GLYATL1: variants seen among roughly 807,000 people sequenced by gnomAD.
The protein encoded by GLYATL1 is glycine-N-acyltransferase like 1.
GLYATL1 carries 15 observed loss-of-function variants against 20.0 expected under a neutral mutation model. That is an observed-to-expected ratio of 0.75 (90% CI 0.50 to 1.15). The LOEUF (loss-of-function observed/expected upper bound fraction) is 1.15. Ranked by LOEUF, GLYATL1 falls within the 50% of genes most tolerant of loss-of-function variation. GLYATL1 has a pLI of 0.00. For missense variants in GLYATL1, 380 were observed against 368.5 expected, an observed-to-expected ratio of 1.03 and a Z score of -0.26; for synonymous variants, 151 against 131.5, an observed-to-expected ratio of 1.15 and a Z score of -1.01.
At chr11:58,911,358 C>T (rs2134648770), downstream of GLYATL1, among the ~76,000 whole-genome samples, 1 of 152,274 alleles carries the variant, frequency 6.6e-6, no homozygotes, top group East Asian at 1.9e-4. Context: ...GAATTGCTTT[C>T]ATGGAAAGTG....
chr11:58,919,301 C>T (rs1198458905), intron 1 of GLYATL1, among the ~76,000 whole-genome samples: 1 of 152,170 alleles, frequency 6.6e-6, no homozygotes, highest in Non-Finnish European at 1.5e-5. Flanking sequence ...GTTTGTTTGG[C>T]GTGGGCACAC....
intron 1 of GLYATL1, chr11:58,905,773 G>C: frequency 2.6e-6 from 1 of 385,234 alleles, no homozygotes; most frequent in Non-Finnish European, 5.3e-6. Flanking sequence ...CAGTCCCCTC[G>C]GCCTGGCCGT....
intron 1 of GLYATL1, among the ~76,000 whole-genome samples, chr11:58,933,170 G>A (rs75220513): frequency 0.011 from 1,645 of 152,256 alleles, 33 homozygotes; most frequent in African/African-American, 0.038. Flanking sequence ...GGGGTTAAGA[G>A]TGAAATGCCT....
At chr11:58,915,433 T>A (rs1855148670) in intron 1 of GLYATL1, among the ~76,000 whole-genome samples, 1 of 152,136 alleles carries the variant, frequency 6.6e-6, no homozygotes, top group African/African-American at 2.4e-5. Context: ...GAGTGGATTC[T>A]AGAATGACTG....
rs1857192063 is a variant in GLYATL1, at chr11:58,953,914, A to G, written c.187-856A>G. Among the ~76,000 whole-genome samples, 3 of 152,216 alleles carry G rather than the reference A, an allele frequency of 2.0e-5. No homozygotes were observed. The South Asian group carries it at 6.2e-4, about 32-fold the overall frequency. On this transcript the variant is annotated intron_variant, in intron 4 of 6. Transcript: ENST00000532726. Reference sequence around the variant, plus strand: ...GAGAAACATCCTCATCTTCCAATGAAGTTTCTGTCATGCCAGAATGGGATC... The same window carrying G: ...GAGAAACATCCTCATCTTCCAATGAGGTTTCTGTCATGCCAGAATGGGATC...
intron 2 of GLYATL1, among the ~76,000 whole-genome samples, chr11:58,944,839 T>C (rs1856450749): frequency 6.6e-6 from 1 of 151,956 alleles, no homozygotes; most frequent in Non-Finnish European, 1.5e-5. Flanking sequence ...TATGAAAAAT[T>C]ATTTTAGTTA....
chr11:58,937,630 C>T (rs1855895019), upstream of GLYATL1, among the ~76,000 whole-genome samples: 1 of 152,194 alleles, frequency 6.6e-6, no homozygotes, highest in Admixed American at 6.5e-5. Flanking sequence ...CTGAAACAAA[C>T]ATGATTAATA....
intron 1 of GLYATL1, among the ~76,000 whole-genome samples, chr11:58,942,290 G>A (rs905410856): frequency 1.3e-5 from 2 of 152,162 alleles, no homozygotes; most frequent in East Asian, 3.9e-4. Context: ...TGATCAGTAA[G>A]CAGACCTACC....
At chr11:58,926,026 G>A (rs1460526701), upstream of GLYATL1, among the ~76,000 whole-genome samples, 1 of 152,286 alleles carries the variant, frequency 6.6e-6, no homozygotes, top group East Asian at 1.9e-4. Flanking sequence ...TACAGGCAGA[G>A]CATGTGCATT....
upstream of GLYATL1, among the ~76,000 whole-genome samples, chr11:58,924,551 A>G (rs1000375010): frequency 1.3e-5 from 2 of 152,182 alleles, no homozygotes; most frequent in Non-Finnish European, 2.9e-5. Context: ...CACCATTCTG[A>G]GTGAATCCCA....
chr11:58,946,979 A>G, intron 2 of GLYATL1, 67 bp from the exon 3 acceptor site: 1 of 1,082,166 alleles, frequency 9.2e-7, no homozygotes, highest in Admixed American at 1.7e-5. Flanking sequence ...TTGAATGGAG[A>G]TGTATAAAGT....
At chr11:58,923,541 A>G (rs1855357319), upstream of GLYATL1, among the ~76,000 whole-genome samples, 1 of 151,956 alleles carries the variant, frequency 6.6e-6, no homozygotes, top group Admixed American at 6.6e-5. Flanking sequence ...ATGATTTGCA[A>G]AGGGAGTAAC....
chr11:58,940,088 C>T (rs1014319874), intron 1 of GLYATL1, among the ~76,000 whole-genome samples: 2 of 152,158 alleles, frequency 1.3e-5, no homozygotes, highest in Non-Finnish European at 2.9e-5. Flanking sequence ...CACTGTTTGA[C>T]CCCAGTATAG....
intron 4 of GLYATL1, among the ~76,000 whole-genome samples, chr11:58,950,283 C>T (rs11229708): frequency 0.16 from 23,700 of 150,534 alleles, 2,041 homozygotes; most frequent in East Asian, 0.31. Context: ...CGGAGCGAGA[C>T]TCCGTCTAAA....
chr11:58,932,206 CT>C (rs1400399095), intron 1 of GLYATL1, among the ~76,000 whole-genome samples: 1 of 147,494 alleles, frequency 6.8e-6, no homozygotes, highest in African/African-American at 2.5e-5. Context: ...TAGAAAACTA[CT>C]GTTGAAACCC....
intron 1 of GLYATL1, chr11:58,934,070 G>A (rs1855720372): frequency 6.5e-6 from 1 of 153,380 alleles, no homozygotes; most frequent in African/African-American, 2.4e-5. Context: ...TTGAGCCTGT[G>A]TCTGCAGGGG....
In GLYATL1 at chr11:58,906,923, CCGACATA is replaced by C. The variant is rs531064138; in HGVS notation, n.239-316_239-310del. Among the ~76,000 whole-genome samples the C allele has an allele frequency of 1.1e-4, 16 of 152,182 alleles. 1 individual carries two copies. In the South Asian group the frequency reaches 2.9e-3, roughly 28 times the overall value. On this transcript the variant is annotated intron_variant and non_coding_transcript_variant, in intron 1 of 1. Transcript: ENST00000524629. ...AAAGTGCAGATTCCATAGCTACACC[CCGACATA>C]CTGAATCAGAGTCTGTGAAGGTGGG...
chr11:58,919,948 A>G (rs1855268268), intron 1 of GLYATL1, among the ~76,000 whole-genome samples: 2 of 152,090 alleles, frequency 1.3e-5, no homozygotes, highest in South Asian at 2.1e-4. Context: ...CTTCCCATCA[A>G]AGGTTTTCCA....
chr11:58,932,399 T>A (rs955040699), intron 1 of GLYATL1, among the ~76,000 whole-genome samples: 1 of 152,184 alleles, frequency 6.6e-6, no homozygotes, highest in African/African-American at 2.4e-5. Context: ...TAAGGGAGAT[T>A]ATGCATTTTC....
Sources: allele counts gnomAD v4.1 joint callset (sites outside exome capture counted in the v4.1 genomes callset), GRCh38; gene constraint gnomAD v4.1.1; transcripts MANE v1.5; gene names NCBI Gene and HGNC (gene_info 2026-07-23, HGNC 2026-07-21).